PBX3: variants seen among roughly 807,000 people sequenced by gnomAD.
PBX3 encodes the protein pre-B-cell leukemia transcription factor 3.
Under a neutral mutation model 48.5 loss-of-function variants are expected in PBX3, and 14 were observed. That is an observed-to-expected ratio of 0.29 (90% CI 0.19 to 0.45). PBX3 has a LOEUF of 0.45. Among genes scored for constraint, PBX3 ranks in the 20% least tolerant of loss-of-function variants. The pLI is 1.00. For missense variants in PBX3, 386 were observed against 546.7 expected (o/e 0.71, Z 2.93); for synonymous variants, 210 against 200.3 (o/e 1.05, Z -0.41).
chr9:125,837,243 C>T (rs979766901), intron 2 of PBX3, among the ~76,000 whole-genome samples: 3 of 151,764 alleles, frequency 2.0e-5, no homozygotes, highest in African/African-American at 7.3e-5. Context: ...AGTTTACAAG[C>T]TATGTTGTTA....
intron 5 of PBX3, among the ~76,000 whole-genome samples, chr9:125,946,537 A>T (rs1186673805): frequency 6.6e-6 from 1 of 152,090 alleles, no homozygotes; most frequent in Non-Finnish European, 1.5e-5. Flanking sequence ...TGGAAACCAT[A>T]AAAAAAGGGT....
intron 2 of PBX3, among the ~76,000 whole-genome samples, chr9:125,827,354 T>A (rs1180426277): frequency 2.0e-5 from 3 of 152,168 alleles, no homozygotes; most frequent in Non-Finnish European, 4.4e-5. Flanking sequence ...CATTTATTTT[T>A]AAAAAATATC....
intron 3 of PBX3, among the ~76,000 whole-genome samples, chr9:125,926,005 C>G (rs1272065504): frequency 1.3e-5 from 2 of 152,174 alleles, no homozygotes; most frequent in African/African-American, 4.8e-5. Flanking sequence ...TTCTATGGAA[C>G]TAGCTGTAGA....
chr9:125,784,602 A>C (rs1009091026), intron 2 of PBX3, among the ~76,000 whole-genome samples: 1 of 152,112 alleles, frequency 6.6e-6, no homozygotes, highest in African/African-American at 2.4e-5. Flanking sequence ...GATGTTTGTC[A>C]TGTGTGGTTT....
At chr9:125,794,904 C>T (rs1434140511) in intron 2 of PBX3, among the ~76,000 whole-genome samples, 1 of 152,110 alleles carries the variant, frequency 6.6e-6, no homozygotes, top group Non-Finnish European at 1.5e-5. Context: ...TTAGCCTGTT[C>T]CTAATGTTTG....
intron 1 of PBX3, 147 bp downstream of exon 1, chr9:125,747,800 G>A: frequency 5.2e-6 from 3 of 571,956 alleles, no homozygotes; most frequent in South Asian, 6.4e-5. Context: ...CCCGGCCTCG[G>A]GGGGACTTGC....
intron 2 of PBX3, among the ~76,000 whole-genome samples, chr9:125,894,785 G>A (rs746483719): frequency 2.6e-5 from 4 of 152,024 alleles, no homozygotes; most frequent in Non-Finnish European, 5.9e-5. Flanking sequence ...AAAATAAGCA[G>A]TTCACCTCTG....
rs1841811160 is a variant in PBX3 at position 125,935,307 on chromosome 9, C to T, written c.708-165C>T. 1.3e-5 allele frequency among the ~76,000 whole-genome samples: 2 copies of T among 152,106 alleles called. 1 individual carries two copies. Among genetic ancestry groups the T allele is most frequent in the South Asian group, 4.1e-4 (2 of 4,832 alleles). ...CATCTTAAAATGAGTTGGATAATGCCTTGGAGGATGTCTAGAACATAACGT... is the reference window on the plus strand; with the variant it reads ...CATCTTAAAATGAGTTGGATAATGCTTTGGAGGATGTCTAGAACATAACGT... On this transcript the variant is annotated intron_variant, in intron 4 of 8. Coordinates refer to ENST00000373489, the MANE Select transcript of PBX3 (RefSeq NM_006195.6).
intron 2 of PBX3, among the ~76,000 whole-genome samples, chr9:125,851,434 G>A (rs983473328): frequency 2.0e-5 from 3 of 152,042 alleles, no homozygotes; most frequent in African/African-American, 7.2e-5. Flanking sequence ...TAGAAAGTCC[G>A]TCATTGAAAA....
intron 5 of PBX3, among the ~76,000 whole-genome samples, chr9:125,949,954 A>T (rs1251448309): frequency 6.6e-6 from 1 of 152,160 alleles, no homozygotes; most frequent in Non-Finnish European, 1.5e-5. Flanking sequence ...AGGCATTTCC[A>T]CAGTTGTGAT....
intron 2 of PBX3, among the ~76,000 whole-genome samples, chr9:125,864,132 AATG>A (rs1839925934): frequency 6.6e-6 from 1 of 152,244 alleles, no homozygotes; most frequent in African/African-American, 2.4e-5. Context: ...GAGCATTTAA[AATG>A]ATGATATACT....
chr9:125,825,100 A>G (rs1284299878), intron 2 of PBX3, among the ~76,000 whole-genome samples: 2 of 152,172 alleles, frequency 1.3e-5, no homozygotes, highest in African/African-American at 4.8e-5. Context: ...CCTGGATAAC[A>G]TGGCGAAACC....
intron 2 of PBX3, among the ~76,000 whole-genome samples, chr9:125,825,750 A>C (rs58953816): frequency 0.011 from 1,680 of 152,362 alleles, 30 homozygotes; most frequent in African/African-American, 0.039. Flanking sequence ...TTTAGAAAGT[A>C]TCCTCATTTC....
chr9:125,840,200 A>G lies in PBX3; in HGVS notation c.275-75486A>G, dbSNP rs1243615193. 3.3e-5 allele frequency among the ~76,000 whole-genome samples: 5 copies of G among 152,258 alleles called. No individual in the cohort carries two copies. In the South Asian group the frequency reaches 1.0e-3, roughly 32 times the overall value. On this transcript the variant is annotated intron_variant, in intron 2 of 8. Transcript: ENST00000373489. ...ACTGTTTTCCAGAAGATTTTTCTGT[A>G]GATGGAAACAACTTTGGAATAAAGG... is the stretch of plus-strand genomic sequence containing the variant.
At chr9:125,890,090 A>G (rs766633728) in intron 2 of PBX3, among the ~76,000 whole-genome samples, 5 of 152,082 alleles carry the variant, frequency 3.3e-5, no homozygotes, top group East Asian at 1.9e-4. Flanking sequence ...TGCTTTTCCA[A>G]TCCAAACCAG....
chr9:125,838,518 C>G (rs1839202617), intron 2 of PBX3, among the ~76,000 whole-genome samples: 1 of 152,092 alleles, frequency 6.6e-6, no homozygotes, highest in Non-Finnish European at 1.5e-5. Flanking sequence ...TTTTGGTAGA[C>G]AAGAAGATTT....
intron 1 of PBX3, 51 bp downstream of exon 1, chr9:125,747,704 C>A (rs1588110848): frequency 7.1e-7 from 1 of 1,412,148 alleles, no homozygotes; most frequent in South Asian, 1.4e-5. Context: ...GAGCCGGGCC[C>A]GCGGCCGAGT....
chr9:125,749,802 C>G (rs1476946189), intron 2 of PBX3, among the ~76,000 whole-genome samples: 1 of 152,114 alleles, frequency 6.6e-6, no homozygotes, highest in African/African-American at 2.4e-5. Flanking sequence ...CAATACTATT[C>G]TGATCCTAAA....
At chr9:125,882,031 T>C (rs1840394079) in intron 2 of PBX3, among the ~76,000 whole-genome samples, 1 of 151,578 alleles carries the variant, frequency 6.6e-6, no homozygotes, top group African/African-American at 2.4e-5. Flanking sequence ...TGAGACTTCA[T>C]CTCTGCAAAA....
Sources: allele counts gnomAD v4.1 joint callset (sites outside exome capture counted in the v4.1 genomes callset), GRCh38; gene constraint gnomAD v4.1.1; transcripts MANE v1.5; gene names NCBI Gene and HGNC (gene_info 2026-07-23, HGNC 2026-07-21).